AGBL1: variants seen among roughly 807,000 people sequenced by gnomAD.
AGBL1 encodes cytosolic carboxypeptidase 4.
In AGBL1, 130 loss-of-function variants were observed where a neutral mutation model predicts 118.9. That is an observed-to-expected ratio of 1.09 (90% CI 0.95 to 1.26). The LOEUF (loss-of-function observed/expected upper bound fraction) is 1.26, where lower values mean the gene tolerates loss of function less well. AGBL1 is among the 50% of genes most tolerant of loss of function. The pLI is 0.00. For missense variants in AGBL1, 1,584 were observed against 1,298.1 expected, an observed-to-expected ratio of 1.22 and a Z score of -3.38; for synonymous variants, 555 against 478.9, an observed-to-expected ratio of 1.16 and a Z score of -2.08.
chr15:86,648,620 C>T (rs749211278), intron 21 of AGBL1, among the ~76,000 whole-genome samples: 15 of 152,124 alleles, frequency 9.9e-5, no homozygotes, highest in East Asian at 1.9e-4. Context: ...AAGAGTTCAC[C>T]GGAAAGGTCT....
intron 18 of AGBL1, among the ~76,000 whole-genome samples, chr15:86,433,163 A>T (rs1326212006): frequency 6.6e-6 from 1 of 151,954 alleles, no homozygotes; most frequent in Non-Finnish European, 1.5e-5. Context: ...GGCCTTAAAA[A>T]GATGAGGAGT....
chr15:86,786,607 C>G (rs1160425744), intron 22 of AGBL1, among the ~76,000 whole-genome samples: 1 of 152,142 alleles, frequency 6.6e-6, no homozygotes, highest in Non-Finnish European at 1.5e-5. Flanking sequence ...CCTAAAATAA[C>G]CATTATTCTA....
intron 22 of AGBL1, among the ~76,000 whole-genome samples, chr15:86,881,889 C>T (rs2079896884): frequency 6.6e-6 from 1 of 152,160 alleles, no homozygotes; most frequent in African/African-American, 2.4e-5. Flanking sequence ...AGAACTCACT[C>T]ACTAGGTAGT....
At chr15:86,629,498 A>C (rs1372403492) in intron 21 of AGBL1, among the ~76,000 whole-genome samples, 1 of 152,222 alleles carries the variant, frequency 6.6e-6, no homozygotes, top group Non-Finnish European at 1.5e-5. Flanking sequence ...AAAGTTAACT[A>C]TAGCACTCAA....
chr15:86,880,104 G>A (rs555010443), intron 22 of AGBL1, among the ~76,000 whole-genome samples: 4 of 152,290 alleles, frequency 2.6e-5, no homozygotes, highest in South Asian at 2.1e-4. Context: ...ATCCAGAGCC[G>A]ACATTTACAT....
chr15:86,352,998 G>A (rs7495793), intron 17 of AGBL1, among the ~76,000 whole-genome samples: 26,001 of 152,164 alleles, frequency 0.17, 2,383 homozygotes, highest in South Asian at 0.2. Flanking sequence ...GATATGAAAT[G>A]ATATTAAAAA....
At chr15:86,465,652 G>C (rs1596148564) in intron 18 of AGBL1, among the ~76,000 whole-genome samples, 1 of 152,162 alleles carries the variant, frequency 6.6e-6, no homozygotes, top group South Asian at 2.1e-4. Context: ...TTGTAGATAA[G>C]GGATGAAATA....
chr15:86,670,488 C>T (rs1676426359), intron 21 of AGBL1, among the ~76,000 whole-genome samples: 1 of 151,516 alleles, frequency 6.6e-6, no homozygotes, highest in Non-Finnish European at 1.5e-5. Context: ...TCTGTAATCA[C>T]AGCTACTCGG....
chr15:86,910,103 G>A lies in AGBL1; in HGVS notation c.*2809G>A, dbSNP rs2080330695. 2 of 152,214 alleles carry A rather than the reference G, an allele frequency of 1.3e-5. No homozygotes were observed. Among genetic ancestry groups the A allele is most frequent in the South Asian group, 4.1e-4 (2 of 4,832 alleles). 9.4% of individuals were successfully genotyped at this position (152,214 alleles called of 1,614,324 possible). On this transcript the variant is annotated 3_prime_UTR_variant, in exon 23 of 23. Transcript: ENST00000614907. ...ATGGCCCATGCCATTATGGAACTCT[G>A]CAAAGAATATTACAAAAACGCCTAA...
At chr15:86,731,881 C>A (rs148813692) in intron 22 of AGBL1, among the ~76,000 whole-genome samples, 1 of 152,150 alleles carries the variant, frequency 6.6e-6, no homozygotes, top group Non-Finnish European at 1.5e-5. Context: ...CTGGCTTGAC[C>A]GTTGATTCTG....
intron 22 of AGBL1, among the ~76,000 whole-genome samples, chr15:86,818,807 T>C (rs2078900734): frequency 6.6e-6 from 1 of 152,192 alleles, no homozygotes; most frequent in Non-Finnish European, 1.5e-5. Flanking sequence ...ATTGTTATTC[T>C]GCCTCTTTTA....
At chr15:86,867,807 A>T (rs561732308) in intron 22 of AGBL1, among the ~76,000 whole-genome samples, 2 of 152,342 alleles carry the variant, frequency 1.3e-5, no homozygotes, top group South Asian at 4.1e-4. Flanking sequence ...GAGGAAATGG[A>T]TAGGATTGAC....
chr15:86,532,680 T>C (rs550675161), intron 19 of AGBL1, among the ~76,000 whole-genome samples: 9 of 151,636 alleles, frequency 5.9e-5, no homozygotes, highest in Non-Finnish European at 1.0e-4. Context: ...AGAACAAAGC[T>C]GGAGGCATCA....
intron 4 of AGBL1, 88 bp from the exon 5 acceptor site, chr15:86,158,845 T>A (rs62012457): frequency 0.16 from 185,017 of 1,170,902 alleles, 15,970 homozygotes; most frequent in East Asian, 0.31. Flanking sequence ...AAGTTGCCCC[T>A]TAAAGATTTA....
chr15:86,262,299 G>A (rs889105786), intron 9 of AGBL1, among the ~76,000 whole-genome samples: 2 of 151,882 alleles, frequency 1.3e-5, no homozygotes. Context: ...CAAATACCAT[G>A]GAAGCATGGA....
rs752203969 is a variant in AGBL1, at chr15:86,748,510, C to CTTTTTTT, written c.3158+74104_3158+74110dup. 2.0e-4 allele frequency among the ~76,000 whole-genome samples: 2 copies of CTTTTTTT among 9,776 alleles called. 1 individual carries two copies. The highest frequency in any genetic ancestry group is 4.4e-4 in the African/African-American group (2 of 4,578). 6.4% of individuals were successfully genotyped at this position (9,776 alleles called of 152,430 possible). On this transcript the variant is annotated intron_variant, in intron 22 of 22. Coordinates refer to ENST00000614907, the MANE Select transcript of AGBL1 (RefSeq NM_001386094.1). ...ATTAGATCCCATTTGTCAATTTTGGCTTTTTTTTTTTTTTTTTTTTTTTTT... is the reference window on the plus strand; with the variant it reads ...ATTAGATCCCATTTGTCAATTTTGGCTTTTTTTTTTTTTTTTTTTTTTTTTTTTTTTT...
At chr15:86,557,197 T>C (rs547914817) in intron 21 of AGBL1, among the ~76,000 whole-genome samples, 82 of 152,306 alleles carry the variant, frequency 5.4e-4, no homozygotes, top group African/African-American at 1.9e-3. Flanking sequence ...CTTTACCTAT[T>C]AGGGATGGGC....
intron 21 of AGBL1, among the ~76,000 whole-genome samples, chr15:86,567,838 C>A (rs1419896817): frequency 6.6e-6 from 1 of 152,158 alleles, no homozygotes; most frequent in African/African-American, 2.4e-5. Flanking sequence ...GGGGCATGGT[C>A]CAGGAATCTA....
At chr15:86,665,344 C>T (rs1284470296) in intron 21 of AGBL1, among the ~76,000 whole-genome samples, 4 of 61,934 alleles carry the variant, frequency 6.5e-5, no homozygotes, top group Non-Finnish European at 9.8e-5. Context: ...TCCAAATTTC[C>T]TTGGAAAGAC....
Sources: allele counts gnomAD v4.1 joint callset (sites outside exome capture counted in the v4.1 genomes callset), GRCh38; gene constraint gnomAD v4.1.1; transcripts MANE v1.5; gene names NCBI Gene and HGNC (gene_info 2026-07-23, HGNC 2026-07-21).